PIEZO2: variants seen among roughly 807,000 people sequenced by gnomAD.
The protein encoded by PIEZO2 is piezo type mechanosensitive ion channel component 2.
PIEZO2 carries 172 observed loss-of-function variants against 337.3 expected under a neutral mutation model. The ratio of observed to expected loss-of-function variants is 0.51; its 90% CI spans 0.45 to 0.58. The LOEUF is 0.58. PIEZO2 is among the 20% of genes least tolerant of loss of function. The probability of loss-of-function intolerance (pLI) is 0.00; values close to 1 mark genes in which losing one functional copy is unlikely to be tolerated. For missense variants in PIEZO2, 3,028 were observed against 3,391.3 expected (o/e 0.89, Z 2.66); for synonymous variants, 1,251 against 1,228.5 (o/e 1.02, Z -0.38).
In PIEZO2 at chr18:10,724,799, C is replaced by T. The variant is rs768867246; in HGVS notation, c.5030-6540G>A. On this transcript the variant is annotated intron_variant, in intron 36 of 55. Coordinates refer to ENST00000674853, the MANE Select transcript of PIEZO2 (RefSeq NM_001378183.1). The surrounding 1 kb of genome is among the most constrained non-coding windows in gnomAD (Gnocchi z 5.8). ...GTCCCCCCAGCACTGCAGCCCCAGC[C>T]TGAGCAGCAGTCGTTCTCACAGATG... 2.0e-5 allele frequency: 32 copies of T among 1,587,282 alleles called. No homozygotes were observed. The highest frequency in any genetic ancestry group is 2.6e-5 in the Non-Finnish European group (30 of 1,164,936).
At chr18:10,797,075 A>G (rs1227488296) in intron 12 of PIEZO2, among the ~76,000 whole-genome samples, 2 of 142,484 alleles carry the variant, frequency 1.4e-5, no homozygotes, top group Non-Finnish European at 3.1e-5. Context: ...TATCATACAT[A>G]CCATCATATC....
intron 4 of PIEZO2, among the ~76,000 whole-genome samples, chr18:10,906,457 C>A (rs543562369): frequency 6.6e-6 from 1 of 152,198 alleles, no homozygotes; most frequent in African/African-American, 2.4e-5. Context: ...TATACTCAAG[C>A]CTATTTACTT....
Position 10,801,402 on chromosome 18 carries a change from G to A in PIEZO2, c.1227C>T (p.Tyr409=). ...AGGGTATACTAACATCAGATGGTTT[G>A]TAGTCATCCTGGGTCATGGATAAAA... ...RKLLSMTQDD[Y]KPSDGLLVTV... Residue 409 remains tyrosine, a synonymous_variant, in exon 10 of 56, where the codon TAC becomes TAT. Coordinates refer to ENST00000674853, the MANE Select transcript of PIEZO2 (RefSeq NM_001378183.1). The A allele has an allele frequency of 6.6e-7, 1 of 1,505,376 alleles. No homozygotes were observed. Among genetic ancestry groups the A allele is most frequent in the Non-Finnish European group, 8.9e-7 (1 of 1,117,628 alleles). The allele number at this position is 1,505,376 out of a possible 1,614,324, so 93.3% of individuals were successfully genotyped here.
intron 4 of PIEZO2, among the ~76,000 whole-genome samples, chr18:10,873,053 A>G (rs2042176729): frequency 2.6e-5 from 4 of 152,190 alleles, no homozygotes; most frequent in Admixed American, 2.0e-4. Flanking sequence ...ACATACACAC[A>G]TATATACATA....
At position 10,716,251 on chromosome 18, in the gene PIEZO2, T is replaced by A. The variant is rs1435627834; in HGVS notation, c.5090-435A>T. 2.0e-5 allele frequency among the ~76,000 whole-genome samples: 3 copies of A among 152,120 alleles called. No individual in the cohort carries two copies. Among genetic ancestry groups the A allele is most frequent in the Admixed American group, 1.3e-4 (2 of 15,266 alleles). On this transcript the variant is annotated intron_variant, in intron 37 of 55. Coordinates refer to ENST00000674853, the MANE Select transcript of PIEZO2 (RefSeq NM_001378183.1). The surrounding 1 kb of genome is among the most constrained non-coding windows in gnomAD (Gnocchi z 4.1). ...CTAATACAGAAAAACCAACCCCTCT[T>A]CTTCCTCCTCCTCCTCAACCCACTC... is the stretch of plus-strand genomic sequence containing the variant.
intron 1 of PIEZO2, among the ~76,000 whole-genome samples, chr18:11,093,216 A>G (rs777374470): frequency 6.6e-6 from 1 of 152,174 alleles, no homozygotes; most frequent in Non-Finnish European, 1.5e-5. Flanking sequence ...TCCTGGGTAA[A>G]GCGGAGCCAG....
chr18:10,987,541 C>T (rs2034923999), intron 2 of PIEZO2, among the ~76,000 whole-genome samples: 4 of 151,952 alleles, frequency 2.6e-5, no homozygotes, highest in Admixed American at 2.6e-4. Context: ...TTATCTTACA[C>T]CATATACAAA....
At chr18:10,788,507 T>TA (rs2039308128) in intron 15 of PIEZO2, among the ~76,000 whole-genome samples, 1 of 30,056 alleles carries the variant, frequency 3.3e-5, no homozygotes, top group African/African-American at 8.5e-5. Flanking sequence ...ATTTTACAGA[T>TA]TTTTTTTGAT....
At chr18:11,134,180 G>C (rs1175113230) in intron 1 of PIEZO2, among the ~76,000 whole-genome samples, 1 of 152,210 alleles carries the variant, frequency 6.6e-6, no homozygotes, top group Non-Finnish European at 1.5e-5. Context: ...TGGCCGTCCA[G>C]TCATGAGGCG....
In PIEZO2 at chr18:10,672,059, G is replaced by T. The variant is rs2033803912; in HGVS notation, c.8346-280C>A. 6.6e-6 allele frequency among the ~76,000 whole-genome samples: 1 copy of T among 152,150 alleles called. No individual in the cohort carries two copies. The highest frequency in any genetic ancestry group is 1.5e-5 in the Non-Finnish European group (1 of 68,034). Reference sequence around the variant, plus strand: ...AAATAATCAATGCTAACCGTTTCATGTATGAACTTTAGGTGGTTTTGTTGC... The same window carrying T: ...AAATAATCAATGCTAACCGTTTCATTTATGAACTTTAGGTGGTTTTGTTGC... On this transcript the variant is annotated intron_variant, in intron 55 of 55. Transcript: ENST00000674853. This position sits in a 1 kb window ranked among gnomAD's most constrained non-coding sequence, Gnocchi z 4.7.
At chr18:10,932,550 A>G (rs955159010) in intron 3 of PIEZO2, among the ~76,000 whole-genome samples, 1 of 152,178 alleles carries the variant, frequency 6.6e-6, no homozygotes, top group African/African-American at 2.4e-5. Flanking sequence ...AGCCTTCTGC[A>G]GTTACATCCA....
At chr18:11,041,086 G>A (rs1408411177) in intron 2 of PIEZO2, among the ~76,000 whole-genome samples, 1 of 152,062 alleles carries the variant, frequency 6.6e-6, no homozygotes, top group Non-Finnish European at 1.5e-5. Context: ...CTCTGAAAAC[G>A]GACAGTCCAA....
chr18:10,798,011 C>T (rs1455414282), intron 11 of PIEZO2, among the ~76,000 whole-genome samples: 1 of 152,236 alleles, frequency 6.6e-6, no homozygotes, highest in African/African-American at 2.4e-5. Flanking sequence ...TGTAAACAGC[C>T]CTATGGGGAG....
At chr18:10,902,281 T>C (rs772067985) in intron 4 of PIEZO2, among the ~76,000 whole-genome samples, 1 of 152,172 alleles carries the variant, frequency 6.6e-6, no homozygotes, top group Non-Finnish European at 1.5e-5. Context: ...TGCTCTAGGG[T>C]ATCTGGAGGT....
intron 1 of PIEZO2, among the ~76,000 whole-genome samples, chr18:11,090,463 C>T (rs985619207): frequency 1.3e-5 from 2 of 152,174 alleles, no homozygotes; most frequent in South Asian, 4.1e-4. Context: ...AATGGGTTTA[C>T]AATACCCACT....
rs189632016 is a variant in PIEZO2 at position 10,770,458 on chromosome 18, A to G, written c.2786-150T>C. 8.0e-4 allele frequency: 582 copies of G among 731,194 alleles called. 6 individuals carry two copies. The African/African-American group carries it at 9.2e-3, about 12-fold the overall frequency. 45.3% of individuals were successfully genotyped at this position (731,194 alleles called of 1,614,324 possible). A position where few individuals can be genotyped will look rare whatever the true frequency, so the allele number is the denominator to read the frequency against. On this transcript the variant is annotated intron_variant, in intron 20 of 55. Transcript: ENST00000674853. ...AAAACCAAAATCTGGAATAAGGATG[A>G]TGTAAGAATCCCAAGTCATGATGAC...
intron 1 of PIEZO2, among the ~76,000 whole-genome samples, chr18:11,072,142 TCTA>T (rs1304186585): frequency 6.6e-6 from 1 of 152,180 alleles, no homozygotes; most frequent in Non-Finnish European, 1.5e-5. Flanking sequence ...TGCATGTACT[TCTA>T]CGTCAGTGGG....
At position 10,999,790 on chromosome 18, in the gene PIEZO2, A is replaced by G. The variant is rs958649678; in HGVS notation, c.161-20130T>C. On this transcript the variant is annotated intron_variant, in intron 2 of 55. Coordinates refer to ENST00000674853, the MANE Select transcript of PIEZO2 (RefSeq NM_001378183.1). The stretch of plus-strand genomic sequence containing the variant: ...TATTTAAAGAATTTCCCACAATTTT[A>G]TGCTCCAGGTGGAACAAATAAAAAG... 2.0e-5 allele frequency among the ~76,000 whole-genome samples: 3 copies of G among 152,198 alleles called. No homozygotes were observed. The East Asian group carries it at 5.8e-4, about 29-fold the overall frequency.
intron 1 of PIEZO2, among the ~76,000 whole-genome samples, chr18:11,140,419 A>G (rs1227974384): frequency 1.3e-5 from 2 of 152,246 alleles, no homozygotes; most frequent in South Asian, 4.2e-4. Context: ...TACAACACTG[A>G]CCAGATCCAA....
Sources: allele counts gnomAD v4.1 joint callset (sites outside exome capture counted in the v4.1 genomes callset), GRCh38; gene constraint gnomAD v4.1.1; non-coding constraint Gnocchi (gnomAD v3.1); transcripts MANE v1.5; gene names NCBI Gene and HGNC (gene_info 2026-07-23, HGNC 2026-07-21).